GRAMD1B: variants seen among roughly 807,000 people sequenced by gnomAD.
GRAMD1B encodes GRAM domain containing 1B.
In GRAMD1B, 37 loss-of-function variants were observed where a neutral mutation model predicts 99.7. That is an observed-to-expected ratio of 0.37 (90% confidence interval 0.29 to 0.49). The LOEUF (loss-of-function observed/expected upper bound fraction) is 0.49. GRAMD1B is among the 20% of genes least tolerant of loss of function. The probability of loss-of-function intolerance (pLI) is 0.98; values close to 1 mark genes in which losing one functional copy is unlikely to be tolerated. For missense variants in GRAMD1B, 888 were observed against 1,009.2 expected (o/e 0.88, Z 1.63); for synonymous variants, 427 against 387.6 (o/e 1.10, Z -1.19).
chr11:123,360,477 A>G (rs1343212604), intron 1 of GRAMD1B, among the ~76,000 whole-genome samples: 1 of 152,194 alleles, frequency 6.6e-6, no homozygotes, highest in African/African-American at 2.4e-5. Flanking sequence ...GCTGGGCGTC[A>G]CTGGTGTTCA....
At chr11:123,426,007 C>T (rs1475342862), upstream of GRAMD1B, among the ~76,000 whole-genome samples, 2 of 152,178 alleles carry the variant, frequency 1.3e-5, no homozygotes, top group African/African-American at 4.8e-5. Context: ...GTAATTGATC[C>T]CTGTATTTCT....
chr11:123,446,136 T>C lies in GRAMD1B; in HGVS notation c.374+14970T>C, dbSNP rs1053570412. Among the ~76,000 whole-genome samples, 15 of 152,278 alleles carry C rather than the reference T, an allele frequency of 9.9e-5. No homozygotes were observed. In the East Asian group the frequency reaches 2.7e-3, roughly 27 times the overall value. ...TTGTACTTGGACCTCACTGGTTCTCTAGTAGGGTCTGTGAGCCTCTGCAGA... is the reference window on the plus strand; with the variant it reads ...TTGTACTTGGACCTCACTGGTTCTCCAGTAGGGTCTGTGAGCCTCTGCAGA... On this transcript the variant is annotated intron_variant, in intron 1 of 19. Coordinates refer to ENST00000635736, the MANE Select transcript of GRAMD1B (RefSeq NM_001387025.1).
At chr11:123,501,505 C>T (rs940600173) in intron 2 of GRAMD1B, among the ~76,000 whole-genome samples, 1 of 152,168 alleles carries the variant, frequency 6.6e-6, no homozygotes, top group South Asian at 2.1e-4. Flanking sequence ...ACTCTTACTT[C>T]TCCTCCAGCA....
intron 2 of GRAMD1B, among the ~76,000 whole-genome samples, chr11:123,539,427 C>T (rs1161812832): frequency 8.1e-6 from 1 of 123,738 alleles, no homozygotes; most frequent in Non-Finnish European, 1.8e-5. Context: ...CATAGTGAGA[C>T]CCCATGTCCA....
At position 123,497,365 on chromosome 11, in the gene GRAMD1B, C is replaced by T. The variant is rs567211914; in HGVS notation, c.452+16472C>T. On this transcript the variant is annotated intron_variant, in intron 2 of 19. Coordinates refer to ENST00000635736, the MANE Select transcript of GRAMD1B (RefSeq NM_001387025.1). ...ACCATGGGGACTGCACTGGTTCAGA[C>T]CTGAGGCCAGCACACTATTGAGTCT... 5.3e-5 allele frequency among the ~76,000 whole-genome samples: 8 copies of T among 152,284 alleles called. No individual in the cohort carries two copies. The South Asian group carries it at 1.7e-3, about 32-fold the overall frequency.
chr11:123,569,955 G>A lies in GRAMD1B; in HGVS notation c.453-7412G>A, dbSNP rs190936456. Among the ~76,000 whole-genome samples, 273 of 152,290 alleles carry A rather than the reference G, an allele frequency of 1.8e-3. 2 individuals are homozygous for A. The highest frequency in any genetic ancestry group is 0.017 in the Middle Eastern group (5 of 294). Reference sequence around the variant, plus strand: ...CATCGGGTTCTGCCTACACCTGATCGTCTCCATGTCAGATTCTTCCACATT... The same window carrying A: ...CATCGGGTTCTGCCTACACCTGATCATCTCCATGTCAGATTCTTCCACATT... On this transcript the variant is annotated intron_variant, in intron 2 of 19. Transcript: ENST00000635736.
intron 2 of GRAMD1B, chr11:123,560,561 T>TCCCCCCCCCCCC: frequency 1.0e-5 from 8 of 794,294 alleles, no homozygotes; most frequent in South Asian, 1.4e-5. Flanking sequence ...GGGCCCCCGC[T>TCCCCCCCCCCCC]CCCCGCCCCC....
chr11:123,518,819 G>A (rs1941924137), intron 2 of GRAMD1B, among the ~76,000 whole-genome samples: 4 of 152,164 alleles, frequency 2.6e-5, no homozygotes. Flanking sequence ...CTTCCTAGGG[G>A]CAGAACGAAG....
At chr11:123,466,450 GAGAAAGAAAGAAAGAAAGAAA>G (rs1282474478) in intron 1 of GRAMD1B, among the ~76,000 whole-genome samples, 4 of 150,486 alleles carry the variant, frequency 2.7e-5, no homozygotes, top group South Asian at 4.2e-4. Flanking sequence ...AAGAAAGAAA[GAGAAAGAAAGAAAGAAAGAAA>G]AGAAAGAAAG....
intron 3 of GRAMD1B, among the ~76,000 whole-genome samples, chr11:123,584,016 C>T (rs900028061): frequency 6.6e-6 from 1 of 152,126 alleles, no homozygotes; most frequent in Non-Finnish European, 1.5e-5. Flanking sequence ...GCCCCTCACC[C>T]CATCAGAACC....
intron 2 of GRAMD1B, among the ~76,000 whole-genome samples, chr11:123,494,480 A>G (rs1362275017): frequency 1.3e-5 from 2 of 151,524 alleles, no homozygotes; most frequent in African/African-American, 4.9e-5. Flanking sequence ...GCAAAGAAGC[A>G]AGTGAGTGCT....
intron 2 of GRAMD1B, among the ~76,000 whole-genome samples, chr11:123,518,473 G>A (rs1941886609): frequency 1.3e-5 from 2 of 152,172 alleles, no homozygotes. Context: ...ATTCAGTGAG[G>A]GAGGTGATCC....
intron 1 of GRAMD1B, among the ~76,000 whole-genome samples, chr11:123,424,966 G>T (rs532649336): frequency 1.3e-5 from 2 of 152,294 alleles, no homozygotes; most frequent in African/African-American, 4.8e-5. Context: ...TTCCTACGAA[G>T]GGTATTATAA....
intron 1 of GRAMD1B, among the ~76,000 whole-genome samples, chr11:123,433,994 A>T (rs184384883): frequency 6.6e-6 from 1 of 151,738 alleles, no homozygotes; most frequent in Non-Finnish European, 1.5e-5. Context: ...CTTTGGGAGG[A>T]TGAGGCAGGC....
At chr11:123,377,602 A>G (rs1368149503) in intron 1 of GRAMD1B, among the ~76,000 whole-genome samples, 1 of 152,140 alleles carries the variant, frequency 6.6e-6, no homozygotes, top group African/African-American at 2.4e-5. Context: ...AAGGGTGGCT[A>G]TTGTCCTGCT....
intron 1 of GRAMD1B, among the ~76,000 whole-genome samples, chr11:123,445,025 T>C (rs1171787167): frequency 2.0e-5 from 3 of 152,224 alleles, no homozygotes; most frequent in African/African-American, 7.2e-5. Flanking sequence ...GAGACACTTC[T>C]GTCACTCAGG....
chr11:123,456,088 T>C (rs1950105302), intron 1 of GRAMD1B, among the ~76,000 whole-genome samples: 1 of 152,104 alleles, frequency 6.6e-6, no homozygotes, highest in Admixed American at 6.6e-5. Flanking sequence ...CGAGAATCGC[T>C]TGAACCAGGG....
chr11:123,583,122 G>GGT (rs1268093533), intron 3 of GRAMD1B, among the ~76,000 whole-genome samples: 4 of 152,176 alleles, frequency 2.6e-5, no homozygotes, highest in African/African-American at 4.8e-5. Context: ...GTATATGTGT[G>GGT]GTGTGTGTGC....
intron 2 of GRAMD1B, among the ~76,000 whole-genome samples, chr11:123,552,430 A>G (rs1945719769): frequency 6.6e-6 from 1 of 151,488 alleles, no homozygotes; most frequent in Admixed American, 6.6e-5. Context: ...GTGCATCACC[A>G]CGCCCAGCTA....
Sources: allele counts gnomAD v4.1 joint callset (sites outside exome capture counted in the v4.1 genomes callset), GRCh38; gene constraint gnomAD v4.1.1; transcripts MANE v1.5; gene names NCBI Gene and HGNC (gene_info 2026-07-23, HGNC 2026-07-21).